BCKDHB: variants seen among roughly 807,000 people sequenced by gnomAD.
BCKDHB encodes 2-oxoisovalerate dehydrogenase subunit beta, mitochondrial.
In BCKDHB, 41 loss-of-function variants were observed where a neutral mutation model predicts 48.5. The ratio of observed to expected loss-of-function variants is 0.85; its 90% CI spans 0.66 to 1.10. BCKDHB has a LOEUF of 1.10. Ranked by LOEUF, BCKDHB falls within the 50% of genes least tolerant of loss-of-function variation. The pLI, the probability that BCKDHB is intolerant of heterozygous loss-of-function variation, is 0.00. For synonymous variants in BCKDHB, 201 were observed against 174.8 expected (o/e 1.15, Z -1.18); for missense variants, 496 against 494.2 (o/e 1.00, Z -0.03).
intron 8 of BCKDHB, among the ~76,000 whole-genome samples, chr6:80,242,442 G>A (rs983493185): frequency 6.6e-6 from 1 of 152,098 alleles, no homozygotes; most frequent in African/African-American, 2.4e-5. Context: ...TCCCGAACTT[G>A]CTCTTCTTCA....
chr6:80,383,218 A>T, the BCKDHB span, among the ~76,000 whole-genome samples: 3 of 151,974 alleles, frequency 2.0e-5, no homozygotes, highest in Non-Finnish European at 4.4e-5. Flanking sequence ...GTGGTCAACT[A>T]TTTCCCATAT....
chr6:80,186,084 AG>A (rs961354020), intron 6 of BCKDHB, among the ~76,000 whole-genome samples: 39 of 152,124 alleles, frequency 2.6e-4, no homozygotes, highest in African/African-American at 9.2e-4. Context: ...TGGTAGTAGA[AG>A]GGGGATACAA....
At chr6:80,166,548 C>T (rs550300513) in intron 3 of BCKDHB, among the ~76,000 whole-genome samples, 8 of 149,354 alleles carry the variant, frequency 5.4e-5, no homozygotes, top group East Asian at 4.0e-4. Flanking sequence ...CCCAGCTACT[C>T]GGGTGGCTGA....
chr6:80,405,420 G>T, the BCKDHB span, among the ~76,000 whole-genome samples: 1 of 151,984 alleles, frequency 6.6e-6, no homozygotes, highest in Admixed American at 6.6e-5. Context: ...GTCTATGCAT[G>T]TTCTTAAATA....
chr6:80,365,165 C>T, the BCKDHB span, among the ~76,000 whole-genome samples: 1 of 152,068 alleles, frequency 6.6e-6, no homozygotes, highest in Non-Finnish European at 1.5e-5. Context: ...GATAAGGGTC[C>T]AACAAAGATC....
intron 8 of BCKDHB, among the ~76,000 whole-genome samples, chr6:80,255,288 T>A (rs1195122008): frequency 6.6e-6 from 1 of 152,218 alleles, no homozygotes; most frequent in East Asian, 1.9e-4. Flanking sequence ...TACAGATTGC[T>A]GTTAATATTT....
chr6:80,300,185 G>A (rs2127990642), intron 9 of BCKDHB, among the ~76,000 whole-genome samples: 1 of 152,052 alleles, frequency 6.6e-6, no homozygotes, highest in South Asian at 2.1e-4. Context: ...CCAAATAGCT[G>A]GGACCACAGG....
the BCKDHB span, among the ~76,000 whole-genome samples, chr6:80,451,377 T>G: frequency 6.6e-6 from 1 of 152,174 alleles, no homozygotes; most frequent in Non-Finnish European, 1.5e-5. Context: ...CATTAGACTG[T>G]GCTTGTAATA....
chr6:80,362,635 G>T, the BCKDHB span, among the ~76,000 whole-genome samples: 1 of 152,140 alleles, frequency 6.6e-6, no homozygotes, highest in Admixed American at 6.5e-5. Flanking sequence ...GGCTGGAAGA[G>T]AAAGTCTTGA....
chr6:80,381,658 G>T, the BCKDHB span, among the ~76,000 whole-genome samples: 3 of 151,514 alleles, frequency 2.0e-5, no homozygotes, highest in Non-Finnish European at 2.9e-5. Context: ...TGCTTCTTGT[G>T]GTTATGTTTT....
chr6:80,290,175 T>C (rs1766840552), intron 9 of BCKDHB, among the ~76,000 whole-genome samples: 1 of 152,168 alleles, frequency 6.6e-6, no homozygotes, highest in Non-Finnish European at 1.5e-5. Flanking sequence ...ATGCAGCATT[T>C]TGGGAGTAAG....
chr6:80,464,025 C>T, the BCKDHB span, among the ~76,000 whole-genome samples: 20 of 151,914 alleles, frequency 1.3e-4, no homozygotes, highest in African/African-American at 4.6e-4. Flanking sequence ...CACCACCACT[C>T]CAGTCTTAGT....
At chr6:80,390,809 C>A in the BCKDHB span, among the ~76,000 whole-genome samples, 1 of 152,198 alleles carries the variant, frequency 6.6e-6, no homozygotes, top group South Asian at 2.1e-4. Flanking sequence ...TTAAAGGATA[C>A]AAAGTATTAA....
chr6:80,223,805 G>A (rs899549784), intron 8 of BCKDHB, among the ~76,000 whole-genome samples: 9 of 152,220 alleles, frequency 5.9e-5, no homozygotes, highest in African/African-American at 1.9e-4. Flanking sequence ...GACATGTTTC[G>A]TATGTCTCTC....
intron 9 of BCKDHB, among the ~76,000 whole-genome samples, chr6:80,338,766 G>A (rs1769732396): frequency 6.6e-6 from 1 of 152,128 alleles, no homozygotes; most frequent in African/African-American, 2.4e-5. Context: ...TGACATGTCA[G>A]GCATGAAACC....
intron 7 of BCKDHB, among the ~76,000 whole-genome samples, chr6:80,202,528 C>A (rs940927946): frequency 6.6e-6 from 1 of 152,054 alleles, no homozygotes; most frequent in African/African-American, 2.4e-5. Context: ...TTTTTGTCAA[C>A]ATTACTGATC....
At chr6:80,364,188 A>G in the BCKDHB span, among the ~76,000 whole-genome samples, 1 of 152,292 alleles carries the variant, frequency 6.6e-6, no homozygotes, top group Non-Finnish European at 1.5e-5. Context: ...TCACTTACAT[A>G]TTTTTATTTT....
At chr6:80,331,450 A>G (rs912879419) in intron 9 of BCKDHB, among the ~76,000 whole-genome samples, 3 of 152,142 alleles carry the variant, frequency 2.0e-5, no homozygotes, top group African/African-American at 7.2e-5. Flanking sequence ...TATTCTTGTG[A>G]GCTATGGAGC....
At chr6:80,228,691 G>T (rs1582399781) in intron 8 of BCKDHB, among the ~76,000 whole-genome samples, 1 of 152,068 alleles carries the variant, frequency 6.6e-6, no homozygotes, top group Non-Finnish European at 1.5e-5. Context: ...GGGGTGGGGG[G>T]TTTTGTGATA....
Sources: allele counts gnomAD v4.1 joint callset (sites outside exome capture counted in the v4.1 genomes callset), GRCh38; gene constraint gnomAD v4.1.1; transcripts MANE v1.5; gene names NCBI Gene and HGNC (gene_info 2026-07-23, HGNC 2026-07-21).